The following TLN2 variants were observed in gnomAD, a reference collection of about 807,000 sequenced individuals.
TLN2 encodes talin-2.
A neutral mutation model predicts 294.7 loss-of-function variants in TLN2; 118 were observed. The ratio of observed to expected loss-of-function variants is 0.40; its 90% CI spans 0.34 to 0.47. The LOEUF (loss-of-function observed/expected upper bound fraction) is 0.47. Among genes scored for constraint, TLN2 ranks in the 20% least tolerant of loss-of-function variants. TLN2 has a pLI of 0.84. For synonymous variants in TLN2, 1,431 were observed against 1,304.5 expected, an observed-to-expected ratio of 1.10 and a Z score of -2.09; for missense variants, 3,083 against 3,282.2, an observed-to-expected ratio of 0.94 and a Z score of 1.48.
intron 32 of TLN2, among the ~76,000 whole-genome samples, chr15:62,743,866 C>T (rs1268806022): frequency 6.6e-6 from 1 of 152,162 alleles, no homozygotes; most frequent in African/African-American, 2.4e-5. Context: ...CAGCTGCTTT[C>T]CAGTCCACAG....
rs541531116 is a variant in TLN2 at position 62,497,296 on chromosome 15, G to A, written c.-237-92391G>A. 5.3e-5 allele frequency among the ~76,000 whole-genome samples: 8 copies of A among 152,224 alleles called. No individual in the cohort carries two copies. The South Asian group carries it at 1.7e-3, about 32-fold the overall frequency. The stretch of plus-strand genomic sequence containing the variant: ...CATTCCTTCCTCCCCAAAATATCTG[G>A]GGCAGCATGTGAGAGTCTCTTCATT... On this transcript the variant is annotated intron_variant, in intron 1 of 58. Transcript: ENST00000636159.
chr15:62,508,310 G>A (rs560648920), intron 1 of TLN2, among the ~76,000 whole-genome samples: 2 of 152,174 alleles, frequency 1.3e-5, no homozygotes, highest in Admixed American at 6.5e-5. Context: ...TTCGCCTCCC[G>A]GGTTCAAGCG....
At chr15:62,722,862 AG>A (rs1193435725) in intron 26 of TLN2, among the ~76,000 whole-genome samples, 1 of 152,218 alleles carries the variant, frequency 6.6e-6, no homozygotes, top group East Asian at 1.9e-4. Flanking sequence ...CATATATTCC[AG>A]GTATCATTTT....
chr15:62,446,525 C>G (rs537796159), intron 1 of TLN2, among the ~76,000 whole-genome samples: 1 of 152,162 alleles, frequency 6.6e-6, no homozygotes, highest in African/African-American at 2.4e-5. Flanking sequence ...GGAACATTAG[C>G]TAGTGAGTCA....
At chr15:62,450,059 A>G (rs1000866601) in intron 1 of TLN2, among the ~76,000 whole-genome samples, 1 of 152,094 alleles carries the variant, frequency 6.6e-6, no homozygotes, top group Admixed American at 6.5e-5. Flanking sequence ...CCTGGACCCC[A>G]ACTTACTTTC....
rs185544812 is a variant in TLN2, at chr15:62,449,197, G to T, written c.-238+58512G>T. ...CTGGCGATGCAGCAAGTCTTAAGAG[G>T]AGGGGACCCAAATGGATTGGTGAGT... is the stretch of plus-strand genomic sequence containing the variant. On this transcript the variant is annotated intron_variant, in intron 1 of 58. Coordinates refer to ENST00000636159, the MANE Select transcript of TLN2 (RefSeq NM_015059.3). Among the ~76,000 whole-genome samples, 371 of 152,310 alleles carry T rather than the reference G, an allele frequency of 2.4e-3. 3 individuals are homozygous for T. The highest frequency in any genetic ancestry group is 8.6e-3 in the African/African-American group (358 of 41,558).
At chr15:62,697,015 C>A (rs1463774338) in intron 14 of TLN2, among the ~76,000 whole-genome samples, 1 of 152,150 alleles carries the variant, frequency 6.6e-6, no homozygotes, top group Non-Finnish European at 1.5e-5. Context: ...AATGAATGTT[C>A]TTTCAGATAT....
intron 3 of TLN2, chr15:62,644,520 C>T (rs932330620): frequency 3.3e-5 from 15 of 455,954 alleles, no homozygotes; most frequent in African/African-American, 3.0e-4. Flanking sequence ...AACTCACCTC[C>T]AAATCTTTGT....
intron 1 of TLN2, among the ~76,000 whole-genome samples, chr15:62,472,701 T>C (rs535824284): frequency 1.3e-5 from 2 of 152,298 alleles, no homozygotes; most frequent in East Asian, 3.9e-4. Flanking sequence ...CCTTATTTGG[T>C]CAAAATAGTA....
intron 1 of TLN2, among the ~76,000 whole-genome samples, chr15:62,433,013 A>G (rs762889393): frequency 6.6e-6 from 1 of 152,172 alleles, no homozygotes; most frequent in Non-Finnish European, 1.5e-5. Flanking sequence ...CTTGGTTTCT[A>G]TTTTAAGATA....
At chr15:62,753,731 G>A in intron 35 of TLN2, 42 bp from the exon 36 acceptor site, 1 of 1,562,616 alleles carries the variant, frequency 6.4e-7, no homozygotes, top group Non-Finnish European at 8.7e-7. Context: ...GCTCACCTAG[G>A]AGCACGGAGC....
At chr15:62,465,752 A>T (rs1209672192) in intron 1 of TLN2, among the ~76,000 whole-genome samples, 2 of 152,240 alleles carry the variant, frequency 1.3e-5, no homozygotes, top group African/African-American at 4.8e-5. Context: ...TTACATGTAC[A>T]TTGAATGCAG....
At chr15:62,679,571 A>G (rs1193126767) in intron 11 of TLN2, among the ~76,000 whole-genome samples, 3 of 152,272 alleles carry the variant, frequency 2.0e-5, no homozygotes, top group East Asian at 1.9e-4. Context: ...AGGCAAGTCT[A>G]TAGAGACAGA....
intron 1 of TLN2, among the ~76,000 whole-genome samples, chr15:62,406,168 G>T (rs2033389628): frequency 6.6e-6 from 1 of 152,214 alleles, no homozygotes; most frequent in Admixed American, 6.5e-5. Flanking sequence ...TGGGATCATA[G>T]AAATTTACTG....
At chr15:62,839,859 C>T (rs1340859785) in intron 58 of TLN2, among the ~76,000 whole-genome samples, 1 of 152,182 alleles carries the variant, frequency 6.6e-6, no homozygotes, top group Non-Finnish European at 1.5e-5. Flanking sequence ...AATAACCCTG[C>T]CCTGGTAATA....
chr15:62,595,092 T>C (rs2046376139), intron 2 of TLN2, among the ~76,000 whole-genome samples: 1 of 152,172 alleles, frequency 6.6e-6, no homozygotes, highest in Admixed American at 6.5e-5. Flanking sequence ...CACAATGAGA[T>C]AGTACCTCAC....
At chr15:62,825,825 T>TTATATAA (rs1491507979) in intron 54 of TLN2, among the ~76,000 whole-genome samples, 1 of 24,508 alleles carries the variant, frequency 4.1e-5, no homozygotes. Flanking sequence ...ATAATATATA[T>TTATATAA]TATAATATAT....
At chr15:62,719,650 C>A in intron 24 of TLN2, 117 bp from the exon 25 acceptor site, 3 of 716,102 alleles carry the variant, frequency 4.2e-6, no homozygotes, top group South Asian at 2.2e-5. Context: ...AGGTCTGGGG[C>A]TGGCGTCCCC....
intron 3 of TLN2, among the ~76,000 whole-genome samples, chr15:62,632,573 G>T (rs2050010085): frequency 6.6e-6 from 1 of 152,224 alleles, no homozygotes; most frequent in Non-Finnish European, 1.5e-5. Flanking sequence ...AACTCTCAGT[G>T]AGAGTTGCTG....
Sources: allele counts gnomAD v4.1 joint callset (sites outside exome capture counted in the v4.1 genomes callset), GRCh38; gene constraint gnomAD v4.1.1; transcripts MANE v1.5; gene names NCBI Gene and HGNC (gene_info 2026-07-23, HGNC 2026-07-21).